Variants in PEX11G observed in about 807,000 individuals in gnomAD.
PEX11G encodes peroxisomal membrane protein 11C.
In PEX11G, 20 loss-of-function variants were observed where a neutral mutation model predicts 22.5. That is an observed-to-expected ratio of 0.89 (90% CI 0.62 to 1.29). PEX11G has a LOEUF of 1.29. Ranked by LOEUF, PEX11G falls within the 50% of genes most tolerant of loss-of-function variation. The probability of loss-of-function intolerance (pLI) is 0.00; values close to 1 mark genes in which losing one functional copy is unlikely to be tolerated. For synonymous variants in PEX11G, 141 were observed against 154.5 expected, an observed-to-expected ratio of 0.91 and a Z score of 0.65; for missense variants, 347 against 331.3, an observed-to-expected ratio of 1.05 and a Z score of -0.37.
In PEX11G at chr19:7,476,996, C is replaced by T; in HGVS notation, c.*206G>A. The T allele has an allele frequency of 2.3e-6, 1 of 427,774 alleles. No homozygotes were observed. Among genetic ancestry groups the T allele is most frequent in the Non-Finnish European group, 4.1e-6 (1 of 245,664 alleles). 26.5% of individuals were successfully genotyped at this position (427,774 alleles called of 1,614,324 possible). ...TGGCAGGCAGGAGGTGCTGCTGAAG[C>T]CCTGCACGGCCCCTGAAAACTGTCA... On this transcript the variant is annotated 3_prime_UTR_variant, in exon 5 of 5. Coordinates refer to ENST00000221480, the MANE Select transcript of PEX11G (RefSeq NM_080662.4).
chr19:7,478,180 G>A (rs1004651428), intron 4 of PEX11G, 134 bp downstream of exon 4: 6 of 910,122 alleles, frequency 6.6e-6, no homozygotes, highest in Non-Finnish European at 1.0e-5. Flanking sequence ...CCACCCACCA[G>A]AGGCTGTGAT....
chr19:7,491,546 G>A (rs557792219), upstream of PEX11G, among the ~76,000 whole-genome samples: 5 of 152,196 alleles, frequency 3.3e-5, no homozygotes, highest in African/African-American at 9.6e-5. Context: ...TGGGATTACA[G>A]GCATGAGCCA....
At chr19:7,485,319 C>A (rs570245354) in intron 2 of PEX11G, among the ~76,000 whole-genome samples, 1 of 151,792 alleles carries the variant, frequency 6.6e-6, no homozygotes, top group African/African-American at 2.4e-5. Flanking sequence ...TACAGGCACA[C>A]GCCACCATGC....
At chr19:7,487,875 C>T (rs1305267141) in intron 1 of PEX11G, among the ~76,000 whole-genome samples, 2 of 152,154 alleles carry the variant, frequency 1.3e-5, no homozygotes, top group Admixed American at 1.3e-4. Flanking sequence ...CCCACCCCCC[C>T]AATCATAAGA....
intron 3 of PEX11G, among the ~76,000 whole-genome samples, chr19:7,481,391 A>AG (rs530822446): frequency 6.2e-4 from 95 of 152,204 alleles, no homozygotes; most frequent in Middle Eastern, 3.4e-3. Flanking sequence ...TAGTAGAGAC[A>AG]GGGTTTCACC....
chr19:7,489,591 T>A (rs2021829857), upstream of PEX11G: 5 of 806,328 alleles, frequency 6.2e-6, 1 homozygote, highest in Non-Finnish European at 7.5e-6. Context: ...CCATCACCCC[T>A]TGCTAGTTTC....
intron 1 of PEX11G, among the ~76,000 whole-genome samples, chr19:7,487,872 C>T (rs1201580094): frequency 6.6e-6 from 1 of 152,142 alleles, no homozygotes; most frequent in East Asian, 1.9e-4. Context: ...TAACCCACCC[C>T]CCCAATCATA....
At chr19:7,485,652 GCCGAGA>G (rs1230098054) in intron 2 of PEX11G, among the ~76,000 whole-genome samples, 180 bp downstream of exon 2, 1 of 152,154 alleles carries the variant, frequency 6.6e-6, no homozygotes, top group African/African-American at 2.4e-5. Flanking sequence ...ACTGCACCCA[GCCGAGA>G]CAGGGTTTTA....
chr19:7,478,059 T>C (rs1311297534), intron 4 of PEX11G, among the ~76,000 whole-genome samples: 2 of 152,168 alleles, frequency 1.3e-5, no homozygotes, highest in African/African-American at 2.4e-5. Flanking sequence ...ACAATGGCCA[T>C]GGCCTTCGGG....
At chr19:7,484,764 CCT>C (rs2145970635) in intron 2 of PEX11G, among the ~76,000 whole-genome samples, 1 of 149,702 alleles carries the variant, frequency 6.7e-6, no homozygotes, top group African/African-American at 2.5e-5. Flanking sequence ...CAGAGTGAGA[CCT>C]TGTCTCAAAA....
intron 2 of PEX11G, among the ~76,000 whole-genome samples, 183 bp downstream of exon 2, chr19:7,485,655 G>A (rs762858298): frequency 5.3e-5 from 8 of 151,846 alleles, no homozygotes; most frequent in African/African-American, 1.2e-4. Flanking sequence ...GCACCCAGCC[G>A]AGACAGGGTT....
At chr19:7,478,742 G>C (rs1050918898) in intron 3 of PEX11G, among the ~76,000 whole-genome samples, 6 of 152,248 alleles carry the variant, frequency 3.9e-5, no homozygotes, top group African/African-American at 1.4e-4. Context: ...AGTTGGACAG[G>C]CGTGGGGACG....
chr19:7,480,730 G>C (rs907103667), intron 3 of PEX11G, among the ~76,000 whole-genome samples: 4 of 152,118 alleles, frequency 2.6e-5, no homozygotes, highest in African/African-American at 9.7e-5. Context: ...GACAAGCAAA[G>C]CTTCCCCCAG....
Position 7,488,982 on chromosome 19 carries a change from G to A in PEX11G, c.29C>T (p.Ala10Val), listed in dbSNP as rs757511590. 3.2e-6 allele frequency: 5 copies of A among 1,550,228 alleles called. No homozygotes were observed. The East Asian group carries it at 9.9e-5, about 31-fold the overall frequency. MASLSGLAS[A>V]LESYRGRDRL... ...GTCCCGGCCCCTGTACGACTCCAGC[G>A]CCGACGCCAGGCCGCTCAGCGACGC... Residue 10 changes from alanine (A) to valine (V), a missense_variant, in exon 1 of 5, where the codon GCG becomes GTG. Ala to Val is a moderately conservative substitution (Grantham distance 64). Transcript: ENST00000221480.
intron 1 of PEX11G, 90 bp downstream of exon 1, chr19:7,488,861 G>A: frequency 4.4e-6 from 6 of 1,372,980 alleles, no homozygotes; most frequent in Non-Finnish European, 5.0e-6. Context: ...GAGTATCCTG[G>A]GCGACCCCGT....
rs1299511647 is a variant in PEX11G, at chr19:7,485,774, A to T, written c.249+64T>A. ...ATGAGCCACTGTGAGGGGCCAAAAA[A>T]TTTTTTAAAAAATGTCCACTCAGGT... On this transcript the variant is annotated intron_variant, in intron 2 of 4. Transcript: ENST00000221480. The T allele has an allele frequency of 4.8e-6, 7 of 1,443,466 alleles. No homozygotes were observed. In the South Asian group the frequency reaches 7.5e-5, roughly 15 times the overall value. 89.4% of individuals were successfully genotyped at this position (1,443,466 alleles called of 1,614,324 possible).
chr19:7,487,444 T>C (rs1454015236), intron 1 of PEX11G, among the ~76,000 whole-genome samples: 1 of 152,200 alleles, frequency 6.6e-6, no homozygotes, highest in East Asian at 1.9e-4. Context: ...TTTTTTCTTT[T>C]GGAGACAGAG....
rs1315897796 is a variant in PEX11G at position 7,485,963 on chromosome 19, T to C, written c.124A>G (p.Arg42Gly). The stretch of plus-strand genomic sequence containing the variant: ...AACAGACGTGTCCCCACTTCGGACC[T>C]GGCGGGACACTGTTCAACCAGAACT... ...GGVLVEQCPA[R>G]SEVGTRLLVV... The change falls in exon 2 of 5, where the codon AGG (arginine) becomes GGG (glycine). Residue 42 changes from arginine (R) to glycine (G), a missense_variant. Physicochemically the swap from Arg to Gly is moderately radical, Grantham distance 125 (BLOSUM62 -2). Coordinates refer to ENST00000221480, the MANE Select transcript of PEX11G (RefSeq NM_080662.4). 1 of 1,611,058 alleles carries C rather than the reference T, an allele frequency of 6.2e-7. No individual in the cohort carries two copies. Among genetic ancestry groups the C allele is most frequent in the Non-Finnish European group, 8.5e-7 (1 of 1,177,744 alleles).
chr19:7,487,043 T>C (rs987597080), intron 1 of PEX11G, among the ~76,000 whole-genome samples: 5 of 149,526 alleles, frequency 3.3e-5, no homozygotes, highest in African/African-American at 1.3e-4. Context: ...CGAGACCCTG[T>C]CTAAAAAAAG....
Sources: allele counts gnomAD v4.1 joint callset (sites outside exome capture counted in the v4.1 genomes callset), GRCh38; gene constraint gnomAD v4.1.1; transcripts MANE v1.5; gene names NCBI Gene and HGNC (gene_info 2026-07-23, HGNC 2026-07-21).